MB21D2: variants seen among roughly 807,000 people sequenced by gnomAD.
MB21D2 encodes Mab-21 domain containing 2, also known as nucleotidyltransferase MB21D2.
MB21D2 carries 9 observed loss-of-function variants against 33.3 expected under a neutral mutation model. That is an observed-to-expected ratio of 0.27 (90% confidence interval 0.16 to 0.47). The LOEUF (loss-of-function observed/expected upper bound fraction) is 0.47, where lower values mean the gene tolerates loss of function less well. MB21D2 is among the 20% of genes least tolerant of loss of function. The pLI is 0.99. For synonymous variants in MB21D2, 241 were observed against 236.3 expected, an observed-to-expected ratio of 1.02 and a Z score of -0.18; for missense variants, 540 against 624.6, an observed-to-expected ratio of 0.86 and a Z score of 1.44.
At chr3:192,820,363 TC>T (rs1372710259) in intron 1 of MB21D2, among the ~76,000 whole-genome samples, 1 of 151,980 alleles carries the variant, frequency 6.6e-6, no homozygotes, top group East Asian at 1.9e-4. Context: ...GATAACAACT[TC>T]GGATAATACA....
intron 1 of MB21D2, among the ~76,000 whole-genome samples, chr3:192,821,707 G>A (rs554680487): frequency 1.3e-5 from 2 of 152,226 alleles, no homozygotes; most frequent in East Asian, 1.9e-4. Context: ...CATTCTTAAC[G>A]CAGCAAAGAA....
At chr3:192,803,834 T>C (rs1040482375) in intron 1 of MB21D2, among the ~76,000 whole-genome samples, 3 of 152,206 alleles carry the variant, frequency 2.0e-5, no homozygotes, top group Non-Finnish European at 4.4e-5. Flanking sequence ...TGTTTAGCTG[T>C]TAGATTATCC....
At chr3:192,829,603 T>C (rs1712268437) in intron 1 of MB21D2, among the ~76,000 whole-genome samples, 1 of 151,388 alleles carries the variant, frequency 6.6e-6, no homozygotes, top group African/African-American at 2.4e-5. Flanking sequence ...CTTCTGTTTA[T>C]GTTTATGTTT....
At chr3:192,909,937 A>C (rs1364932105) in intron 1 of MB21D2, among the ~76,000 whole-genome samples, 2 of 29,836 alleles carry the variant, frequency 6.7e-5, no homozygotes. Flanking sequence ...ACTCTGTCTC[A>C]AAAAAAAAAA....
At chr3:192,807,512 C>T (rs949497330) in intron 1 of MB21D2, among the ~76,000 whole-genome samples, 3 of 152,124 alleles carry the variant, frequency 2.0e-5, no homozygotes, top group African/African-American at 7.2e-5. Context: ...ACCCTTTGCC[C>T]AGGACCCAGC....
At chr3:192,887,418 A>G (rs527869211) in intron 1 of MB21D2, among the ~76,000 whole-genome samples, 1 of 152,288 alleles carries the variant, frequency 6.6e-6, no homozygotes, top group African/African-American at 2.4e-5. Flanking sequence ...AATTGATTGC[A>G]CAAAAATGTG....
intron 1 of MB21D2, among the ~76,000 whole-genome samples, chr3:192,812,385 C>A (rs1317370343): frequency 6.6e-6 from 1 of 152,172 alleles, no homozygotes; most frequent in Admixed American, 6.5e-5. Context: ...TATGTGTTTA[C>A]CTGTCAGTGT....
At chr3:192,889,667 TC>T in intron 1 of MB21D2, among the ~76,000 whole-genome samples, 2 of 152,100 alleles carry the variant, frequency 1.3e-5, no homozygotes, top group South Asian at 4.2e-4. Flanking sequence ...AGAGGCTTGT[TC>T]CAGGGTGACT....
At position 192,845,807 on chromosome 3, in the gene MB21D2, G is replaced by A. The variant is rs149161935; in HGVS notation, c.212-46157C>T. Among the ~76,000 whole-genome samples, 22 of 152,260 alleles carry A rather than the reference G, an allele frequency of 1.4e-4. No homozygotes were observed. The East Asian group carries it at 3.3e-3, about 23-fold the overall frequency. On this transcript the variant is annotated intron_variant, in intron 1 of 1. Coordinates refer to ENST00000392452, the MANE Select transcript of MB21D2 (RefSeq NM_178496.4). The stretch of plus-strand genomic sequence containing the variant: ...GGGCCAGTGGCTGGGGGCCAGGCGC[G>A]GTGGCTCATGCCTATAGTCCCTGCA...
At chr3:192,868,283 A>G (rs1713212594) in intron 1 of MB21D2, among the ~76,000 whole-genome samples, 1 of 152,172 alleles carries the variant, frequency 6.6e-6, no homozygotes, top group Admixed American at 6.5e-5. Context: ...TTGGACTCTC[A>G]TTGTCTGACT....
chr3:192,884,560 G>T (rs1226885322), intron 1 of MB21D2, among the ~76,000 whole-genome samples: 24 of 151,868 alleles, frequency 1.6e-4, no homozygotes, highest in Admixed American at 5.2e-4. Context: ...GTAGAGACGG[G>T]GTTTCACCGT....
intron 1 of MB21D2, among the ~76,000 whole-genome samples, chr3:192,852,009 T>C (rs1172805518): frequency 2.6e-5 from 4 of 152,208 alleles, no homozygotes; most frequent in African/African-American, 9.6e-5. Context: ...GAGGAATGAT[T>C]GGCAAACTTG....
intron 1 of MB21D2, among the ~76,000 whole-genome samples, chr3:192,837,363 T>A (rs1712463113): frequency 1.3e-5 from 2 of 152,060 alleles, no homozygotes; most frequent in Admixed American, 1.3e-4. Context: ...CTGGAACATG[T>A]CTCCGTCTCG....
intron 1 of MB21D2, among the ~76,000 whole-genome samples, chr3:192,825,952 T>C (rs1712165439): frequency 6.6e-6 from 1 of 152,176 alleles, no homozygotes; most frequent in Non-Finnish European, 1.5e-5. Flanking sequence ...GGTTGTGAAA[T>C]GAATTTATTA....
chr3:192,863,010 A>T (rs1479563656), intron 1 of MB21D2, among the ~76,000 whole-genome samples: 2 of 152,216 alleles, frequency 1.3e-5, no homozygotes, highest in Non-Finnish European at 2.9e-5. Flanking sequence ...CAGAGACCTC[A>T]TGACCTAATC....
chr3:192,871,335 A>G (rs527565752), intron 1 of MB21D2, among the ~76,000 whole-genome samples: 60 of 152,352 alleles, frequency 3.9e-4, no homozygotes, highest in Non-Finnish European at 8.1e-4. Context: ...CCTACTAAAT[A>G]TAGATTACTT....
At chr3:192,873,761 G>A (rs1003562747) in intron 1 of MB21D2, among the ~76,000 whole-genome samples, 1 of 151,972 alleles carries the variant, frequency 6.6e-6, no homozygotes, top group Non-Finnish European at 1.5e-5. Flanking sequence ...GGAGTACAGT[G>A]GGGAAGTCTC....
At chr3:192,865,051 C>G (rs949820109) in intron 1 of MB21D2, among the ~76,000 whole-genome samples, 1 of 152,212 alleles carries the variant, frequency 6.6e-6, no homozygotes, top group Non-Finnish European at 1.5e-5. Context: ...TCTCCTCAAT[C>G]TGGCCTACAG....
intron 1 of MB21D2, among the ~76,000 whole-genome samples, chr3:192,879,442 G>A (rs892522968): frequency 3.9e-5 from 6 of 152,242 alleles, no homozygotes; most frequent in Non-Finnish European, 7.3e-5. Context: ...GAGCAAATGC[G>A]GTGACTAAAA....
Sources: allele counts gnomAD v4.1 joint callset (sites outside exome capture counted in the v4.1 genomes callset), GRCh38; gene constraint gnomAD v4.1.1; transcripts MANE v1.5; gene names NCBI Gene and HGNC (gene_info 2026-07-23, HGNC 2026-07-21).